The following TNNT3 variants were observed in gnomAD, a reference collection of about 807,000 sequenced individuals.
TNNT3 encodes troponin T, fast skeletal muscle.
Under a neutral mutation model 54.2 loss-of-function variants are expected in TNNT3, and 36 were observed. The ratio of observed to expected loss-of-function variants is 0.66; its 90% confidence interval spans 0.51 to 0.88. The LOEUF is 0.88. Ranked by LOEUF, TNNT3 falls within the 40% of genes least tolerant of loss-of-function variation. The pLI is 0.00. For synonymous variants in TNNT3, 120 were observed against 109.7 expected (o/e 1.09, Z -0.59); for missense variants, 291 against 331.6 (o/e 0.88, Z 0.95).
At chr11:1,924,456 G>C (rs1224797049) in intron 4 of TNNT3, among the ~76,000 whole-genome samples, 6 of 152,260 alleles carry the variant, frequency 3.9e-5, no homozygotes, top group African/African-American at 7.2e-5. Context: ...GTCCTGTGAG[G>C]AGTCCTGAGT....
intron 4 of TNNT3, among the ~76,000 whole-genome samples, 155 bp downstream of exon 4, chr11:1,923,727 C>A (rs1375225996): frequency 6.6e-6 from 1 of 151,960 alleles, no homozygotes; most frequent in African/African-American, 2.4e-5. Flanking sequence ...TAGTCACTAA[C>A]AATCACCATT....
chr11:1,923,011 C>A (rs564756829), intron 2 of TNNT3, 37 bp from the exon 3 acceptor site: 1 of 1,613,846 alleles, frequency 6.2e-7, no homozygotes, highest in East Asian at 2.2e-5. Flanking sequence ...CTCACTACCT[C>A]TCTCTCTTTC....
At chr11:1,923,677 G>T (rs115630871) in intron 4 of TNNT3, 105 bp downstream of exon 4, 15 of 792,826 alleles carry the variant, frequency 1.9e-5, no homozygotes, top group South Asian at 1.7e-4. Context: ...GCTCCAGGCC[G>T]CCTTGAGCTT....
intron 2 of TNNT3, 74 bp from the exon 3 acceptor site, chr11:1,922,974 C>T: frequency 6.2e-7 from 1 of 1,613,456 alleles, no homozygotes; most frequent in Non-Finnish European, 8.5e-7. Flanking sequence ...CATGCGCTAT[C>T]TTGCACAAGT....
chr11:1,934,088 T>C, intron 11 of TNNT3, 80 bp downstream of exon 11: 1 of 1,452,280 alleles, frequency 6.9e-7, no homozygotes, highest in Non-Finnish European at 9.5e-7. Context: ...GAGGCCTTCC[T>C]TCTCCCGGGG....
intron 15 of TNNT3, 66 bp from the exon 16 acceptor site, chr11:1,938,372 T>G (rs1855764469): frequency 7.6e-6 from 12 of 1,572,728 alleles, no homozygotes; most frequent in Non-Finnish European, 9.6e-6. Context: ...CCGCCCAGGG[T>G]GGGGGACCAG....
intron 12 of TNNT3, 36 bp downstream of exon 12, chr11:1,934,481 C>T (rs775464688): frequency 1.2e-6 from 2 of 1,610,272 alleles, no homozygotes; most frequent in Non-Finnish European, 1.7e-6. Flanking sequence ...TGGTAGCCTT[C>T]AGTGTGGGCT....
At chr11:1,925,914 T>C (rs948637925) in intron 5 of TNNT3, among the ~76,000 whole-genome samples, 2 of 151,810 alleles carry the variant, frequency 1.3e-5, no homozygotes, top group Non-Finnish European at 2.9e-5. Context: ...CCTTGGAGGG[T>C]GGAAAGAATT....
intron 6 of TNNT3, among the ~76,000 whole-genome samples, chr11:1,927,324 C>T (rs569270407): frequency 6.6e-6 from 1 of 152,322 alleles, no homozygotes; most frequent in African/African-American, 2.4e-5. Context: ...GAGGAGGCCC[C>T]CTGGGTGGGC....
chr11:1,938,651 G>T lies in TNNT3; in HGVS notation c.*159G>T. 1 of 752,612 alleles carries T rather than the reference G, an allele frequency of 1.3e-6. No individual in the cohort carries two copies. The allele number at this position is 752,612 out of a possible 1,614,324, so 46.6% of individuals were successfully genotyped here. On this transcript the variant is annotated 3_prime_UTR_variant, in exon 16 of 16. Coordinates refer to ENST00000278317, the MANE Select transcript of TNNT3 (RefSeq NM_006757.4). ...ATCCCGGGGCGTCCCCCGCGTCTGT[G>T]TCCTTGCTGCCTTCATCCCCTGGGG...
chr11:1,932,561 C>G (rs777838985), intron 9 of TNNT3, 47 bp downstream of exon 9: 18 of 1,601,690 alleles, frequency 1.1e-5, no homozygotes, highest in Non-Finnish European at 1.5e-5. Flanking sequence ...TTCCCCACAC[C>G]CCAGCTTTTG....
chr11:1,920,720 C>T (rs931248905), intron 1 of TNNT3, among the ~76,000 whole-genome samples: 6 of 152,130 alleles, frequency 3.9e-5, no homozygotes, highest in South Asian at 4.1e-4. Context: ...AGAAACTGAC[C>T]GCATAGGTTA....
intron 9 of TNNT3, among the ~76,000 whole-genome samples, chr11:1,932,955 TAC>T (rs79729298): frequency 0.59 from 87,917 of 148,332 alleles, 25,924 homozygotes; most frequent in Non-Finnish European, 0.62. Flanking sequence ...CACCCATTCA[TAC>T]ACTCACCTAC....
chr11:1,936,941 G>T, intron 14 of TNNT3, 22 bp from the exon 15 acceptor site: 1 of 1,600,414 alleles, frequency 6.2e-7, no homozygotes, highest in Non-Finnish European at 8.5e-7. Context: ...TCGTCGCAGT[G>T]AGTCACTCAT....
chr11:1,923,657 T>G, intron 4 of TNNT3, 85 bp downstream of exon 4: 18 of 743,998 alleles, frequency 2.4e-5, no homozygotes, highest in Non-Finnish European at 3.6e-5. Context: ...CAGAACCCCC[T>G]CCCCAGGCTG....
At chr11:1,931,393 T>A (rs1400093705) in intron 8 of TNNT3, among the ~76,000 whole-genome samples, 4 of 152,262 alleles carry the variant, frequency 2.6e-5, no homozygotes, top group Non-Finnish European at 2.9e-5. Flanking sequence ...CGCCGTCTCC[T>A]ACGTGGGATG....
chr11:1,931,051 C>T (rs933000635), intron 8 of TNNT3, among the ~76,000 whole-genome samples: 10 of 152,130 alleles, frequency 6.6e-5, no homozygotes, highest in Admixed American at 6.6e-5. Context: ...AACATCATAC[C>T]GTCTCTACGG....
chr11:1,936,562 C>T (rs970182197), intron 14 of TNNT3, among the ~76,000 whole-genome samples: 1 of 152,176 alleles, frequency 6.6e-6, no homozygotes, highest in South Asian at 2.1e-4. Flanking sequence ...CAGGGCCGTT[C>T]GGAGCTCTGA....
chr11:1,923,598 C>T (rs368864786), intron 4 of TNNT3, 26 bp downstream of exon 4: 2 of 1,426,488 alleles, frequency 1.4e-6, no homozygotes, highest in Non-Finnish European at 1.9e-6. Context: ...ACCGGAAGCC[C>T]CCCCAGCCCC....
Sources: gnomAD v4.1 joint callset for allele counts (sites outside exome capture counted in the v4.1 genomes callset) on GRCh38, gnomAD v4.1.1 for gene constraint, MANE v1.5 for transcripts, NCBI Gene and HGNC (gene_info 2026-07-23, HGNC 2026-07-21) for gene names.